The following DLGAP2 variants were observed in gnomAD, a reference collection of about 807,000 sequenced individuals.
DLGAP2 encodes DLG associated protein 2.
Under a neutral mutation model 100.3 loss-of-function variants are expected in DLGAP2, and 26 were observed. The ratio of observed to expected loss-of-function variants is 0.26; its 90% CI spans 0.19 to 0.36. The LOEUF is 0.36. Ranked by LOEUF, DLGAP2 falls within the 10% of genes least tolerant of loss-of-function variation. DLGAP2 has a pLI of 1.00. For missense variants in DLGAP2, 1,858 were observed against 1,453.2 expected, an observed-to-expected ratio of 1.28 and a Z score of -4.53; for synonymous variants, 886 against 630.1, an observed-to-expected ratio of 1.41 and a Z score of -6.08.
At chr8:1,421,790 C>A (rs1797093771) in intron 3 of DLGAP2, among the ~76,000 whole-genome samples, 1 of 151,880 alleles carries the variant, frequency 6.6e-6, no homozygotes, top group South Asian at 2.1e-4. Context: ...ATGGTGAAAC[C>A]CCGTCTCTAC....
At chr8:1,106,685 C>A (rs1804784264) in intron 2 of DLGAP2, among the ~76,000 whole-genome samples, 1 of 149,124 alleles carries the variant, frequency 6.7e-6, no homozygotes, top group Non-Finnish European at 1.5e-5. Flanking sequence ...GGAGGGTTTT[C>A]TACTGAAGGA....
intron 1 of DLGAP2, among the ~76,000 whole-genome samples, chr8:794,447 T>A (rs1423223170): frequency 1.3e-5 from 2 of 152,208 alleles, no homozygotes; most frequent in Admixed American, 6.5e-5. Flanking sequence ...TCATTAGCAT[T>A]GTTTCTATAG....
chr8:1,158,390 G>A (rs1361393546), intron 2 of DLGAP2, among the ~76,000 whole-genome samples: 2 of 152,208 alleles, frequency 1.3e-5, no homozygotes, highest in Non-Finnish European at 2.9e-5. Context: ...CAGTGTGTGT[G>A]AAGATGTTTT....
intron 12 of DLGAP2, among the ~76,000 whole-genome samples, chr8:1,679,582 CTG>C (rs1401696300): frequency 6.6e-6 from 1 of 152,238 alleles, no homozygotes; most frequent in African/African-American, 2.4e-5. Context: ...CAGGGCAGAT[CTG>C]TCCCAGTCCC....
At chr8:1,147,437 C>T (rs1324100376) in intron 2 of DLGAP2, among the ~76,000 whole-genome samples, 4 of 151,916 alleles carry the variant, frequency 2.6e-5, no homozygotes, top group African/African-American at 4.8e-5. Flanking sequence ...TATAAGTTGT[C>T]TGCAAATGCC....
chr8:1,238,546 T>C (rs1798716260), intron 2 of DLGAP2, among the ~76,000 whole-genome samples: 1 of 88,236 alleles, frequency 1.1e-5, no homozygotes, highest in Admixed American at 1.1e-4. Context: ...TTCTCTCACA[T>C]GGTGCCGTGT....
intron 3 of DLGAP2, among the ~76,000 whole-genome samples, chr8:1,321,953 G>C (rs1159103732): frequency 6.6e-6 from 1 of 152,146 alleles, no homozygotes; most frequent in Non-Finnish European, 1.5e-5. Flanking sequence ...TTAATTTTAT[G>C]TTGTGGTTTA....
chr8:787,553 C>G (rs774796884), intron 1 of DLGAP2, among the ~76,000 whole-genome samples: 6 of 152,336 alleles, frequency 3.9e-5, no homozygotes, highest in East Asian at 1.9e-4. Context: ...CCATGCTGCT[C>G]TGTCTCCCCT....
In DLGAP2 at chr8:1,311,895, C is replaced by T. The variant is rs1280048062; in HGVS notation, c.106+53012C>T. On this transcript the variant is annotated intron_variant, in intron 3 of 14. Transcript: ENST00000637795. Reference sequence around the variant, plus strand: ...CACCTGACAACAGTGTGTCAAAATACATAAGGCAAAGACTGATACAACTGC... The same window carrying T: ...CACCTGACAACAGTGTGTCAAAATATATAAGGCAAAGACTGATACAACTGC... Among the ~76,000 whole-genome samples, 7 of 152,290 alleles carry T rather than the reference C, an allele frequency of 4.6e-5. No individual in the cohort carries two copies. In the South Asian group the frequency reaches 1.0e-3, roughly 23 times the overall value.
Position 959,550 on chromosome 8 carries a change from G to A in DLGAP2, c.73+51584G>A, listed in dbSNP as rs182282085. On this transcript the variant is annotated intron_variant, in intron 2 of 14. Coordinates refer to ENST00000637795, the MANE Select transcript of DLGAP2 (RefSeq NM_001346810.2). The stretch of plus-strand genomic sequence containing the variant: ...TTGTGCAACAGAAAGCTCTGTGCCC[G>A]TCGTCACAAGGCTTGCTTCCTCACT... 4.1e-4 allele frequency among the ~76,000 whole-genome samples: 63 copies of A among 152,316 alleles called. No homozygotes were observed. In the East Asian group the frequency reaches 8.9e-3, roughly 21 times the overall value.
At position 1,120,326 on chromosome 8, in the gene DLGAP2, A is replaced by G. The variant is rs537240988; in HGVS notation, c.74-138525A>G. On this transcript the variant is annotated intron_variant, in intron 2 of 14. Coordinates refer to ENST00000637795, the MANE Select transcript of DLGAP2 (RefSeq NM_001346810.2). ...ATTAGGCATCTTCGTTCCAGCCAACATGCGTCCGAATGAGAACAATACGAA... is the reference window on the plus strand; with the variant it reads ...ATTAGGCATCTTCGTTCCAGCCAACGTGCGTCCGAATGAGAACAATACGAA... 6.6e-5 allele frequency among the ~76,000 whole-genome samples: 10 copies of G among 152,332 alleles called. No individual in the cohort carries two copies. In the South Asian group the frequency reaches 1.9e-3, roughly 28 times the overall value.
chr8:1,012,785 C>T (rs539386356), intron 2 of DLGAP2, among the ~76,000 whole-genome samples: 36 of 150,276 alleles, frequency 2.4e-4, no homozygotes, highest in South Asian at 8.6e-4. Context: ...CCCACTTCAG[C>T]GGCAGTGTGG....
At chr8:969,682 A>G (rs1180708308) in intron 2 of DLGAP2, among the ~76,000 whole-genome samples, 1 of 152,178 alleles carries the variant, frequency 6.6e-6, no homozygotes, top group East Asian at 1.9e-4. Flanking sequence ...GGTGCAGTTC[A>G]TGCTATGCTG....
chr8:974,266 T>C (rs575742055), intron 2 of DLGAP2, among the ~76,000 whole-genome samples: 3 of 152,188 alleles, frequency 2.0e-5, no homozygotes, highest in African/African-American at 7.2e-5. Flanking sequence ...TGAAAGAAGC[T>C]ACAGAAATAA....
At chr8:1,589,541 C>A (rs1211338438) in intron 6 of DLGAP2, among the ~76,000 whole-genome samples, 2 of 152,094 alleles carry the variant, frequency 1.3e-5, no homozygotes, top group East Asian at 1.9e-4. Context: ...AGGCTCTAAT[C>A]CTCTCACCGC....
chr8:1,586,254 T>G (rs182322207), intron 6 of DLGAP2, among the ~76,000 whole-genome samples: 23 of 152,338 alleles, frequency 1.5e-4, no homozygotes, highest in African/African-American at 5.5e-4. Context: ...GTGGTTTTCT[T>G]TCACATCAAG....
intron 1 of DLGAP2, among the ~76,000 whole-genome samples, chr8:865,835 G>C (rs956655411): frequency 1.3e-5 from 2 of 152,168 alleles, no homozygotes; most frequent in African/African-American, 4.8e-5. Flanking sequence ...TCCTGAGCTT[G>C]CCCCCTCAGA....
intron 1 of DLGAP2, among the ~76,000 whole-genome samples, chr8:771,472 C>A (rs1167684233): frequency 6.6e-6 from 1 of 152,212 alleles, no homozygotes; most frequent in African/African-American, 2.4e-5. Flanking sequence ...CCTGCACTAG[C>A]CGGGTCTAAG....
intron 3 of DLGAP2, among the ~76,000 whole-genome samples, chr8:1,379,258 C>G (rs749480626): frequency 6.6e-6 from 1 of 152,262 alleles, no homozygotes; most frequent in East Asian, 1.9e-4. Context: ...GGCTCTGTGC[C>G]AGGCACAGGC....
Sources: gnomAD v4.1 joint callset for allele counts (sites outside exome capture counted in the v4.1 genomes callset) on GRCh38, gnomAD v4.1.1 for gene constraint, MANE v1.5 for transcripts, NCBI Gene and HGNC (gene_info 2026-07-23, HGNC 2026-07-21) for gene names.